NAT16: variants seen among roughly 807,000 people sequenced by gnomAD.
The protein encoded by NAT16 is N-acetyltransferase 16 (putative).
NAT16 carries 16 observed loss-of-function variants against 15.9 expected under a neutral mutation model. That is an observed-to-expected ratio of 1.01 (90% CI 0.68 to 1.53). NAT16 has a LOEUF of 1.53. Ranked by LOEUF, NAT16 falls within the 40% of genes most tolerant of loss-of-function variation. The probability of loss-of-function intolerance (pLI) is 0.00; values close to 1 mark genes in which losing one functional copy is unlikely to be tolerated. For synonymous variants in NAT16, 260 were observed against 241.9 expected (o/e 1.07, Z -0.69); for missense variants, 572 against 508.4 (o/e 1.13, Z -1.20).
chr7:101,171,873 G>A lies in NAT16; in HGVS notation c.*206C>T, dbSNP rs562323692. The A allele has an allele frequency of 1.8e-6, 1 of 568,802 alleles. No homozygotes were observed. Among genetic ancestry groups the A allele is most frequent in the Non-Finnish European group, 3.1e-6 (1 of 322,354 alleles). The allele number at this position is 568,802 out of a possible 1,614,324, so 35.2% of individuals were successfully genotyped here. On this transcript the variant is annotated 3_prime_UTR_variant, in exon 4 of 4. Coordinates refer to ENST00000300303, the MANE Select transcript of NAT16 (RefSeq NM_198571.3). ...AGTCCGCAAGTTCAGGTCAGGGAGT[G>A]GGCAATGGTGTTTGGGGGAGCTAGA...
chr7:101,174,436 GAT>G (rs1797418647), intron 2 of NAT16, 58 bp downstream of exon 2: 2 of 1,502,492 alleles, frequency 1.3e-6, no homozygotes, highest in Non-Finnish European at 8.9e-7. Context: ...CTCTTCCTAA[GAT>G]CCACGCACCC....
chr7:101,175,286 T>A (rs185731826), intron 1 of NAT16, among the ~76,000 whole-genome samples: 26 of 151,606 alleles, frequency 1.7e-4, no homozygotes, highest in East Asian at 7.7e-4. Context: ...ATTTTTTTTT[T>A]AATACAGATA....
chr7:101,175,509 C>T (rs923565495), intron 1 of NAT16, among the ~76,000 whole-genome samples: 1 of 151,974 alleles, frequency 6.6e-6, no homozygotes, highest in African/African-American at 2.4e-5. Flanking sequence ...CTACCCACCC[C>T]ACTCTTATGG....
rs1797382458 is a variant in NAT16 at position 101,173,308 on chromosome 7, T to G, written c.525A>C (p.Leu175=). Residue 175 remains leucine (L), a synonymous_variant, in exon 3 of 4, where the codon CTA becomes CTC. Coordinates refer to ENST00000300303, the MANE Select transcript of NAT16 (RefSeq NM_198571.3). ...CTGTCCTTCTCACCTGCTTGGTGAT[T>G]AGGCGGTATTTCTTCAGCTCCCGGG... is the stretch of plus-strand genomic sequence containing the variant. The part of the protein sequence containing the change: ...LGPRELKKYR[L]ITKQGILLVR... The G allele has an allele frequency of 6.2e-7, 1 of 1,613,696 alleles. No homozygotes were observed. Among genetic ancestry groups the G allele is most frequent in the Non-Finnish European group, 8.5e-7 (1 of 1,179,898 alleles).
At chr7:101,174,408 G>T in intron 2 of NAT16, 88 bp downstream of exon 2, 1 of 1,438,088 alleles carries the variant, frequency 7.0e-7, no homozygotes, top group Non-Finnish European at 9.2e-7. Flanking sequence ...GGAAGGCTGG[G>T]GAGAAGCTCT....
rs200814753 is a variant in NAT16 at position 101,174,689 on chromosome 7, G to A, written c.119C>T (p.Pro40Leu). ...ETRPQEVEAE[P>L]RSGSGPEAEA... ...AGCCTCAGGCCCCGATCCCGACCTG[G>A]GCTCGGCCTCCACCTCCTGTGGCCG... The change falls in exon 2 of 4, where the codon CCC becomes CTC. Residue 40 changes from proline (P) to leucine (L), a missense_variant. By Grantham distance (98) the Pro-to-Leu change is moderately conservative (BLOSUM62 -3). Transcript: ENST00000300303. 8 of 1,613,784 alleles carry A rather than the reference G, an allele frequency of 5.0e-6. No individual in the cohort carries two copies. The Admixed American group carries it at 5.0e-5, about 10-fold the overall frequency.
intron 1 of NAT16, among the ~76,000 whole-genome samples, chr7:101,178,934 T>A (rs899638125): frequency 6.7e-6 from 1 of 150,162 alleles, no homozygotes; most frequent in Non-Finnish European, 1.5e-5. Flanking sequence ...TCTCTCTTCA[T>A]GTCTATCCCC....
In NAT16 at chr7:101,174,494, A is replaced by G. The variant is rs1174958155; in HGVS notation, c.312+2T>C. The G allele has an allele frequency of 6.2e-7, 1 of 1,609,252 alleles. No individual in the cohort carries two copies. Among genetic ancestry groups the G allele is most frequent in the East Asian group, 2.2e-5 (1 of 44,756 alleles). On this transcript the variant is annotated splice_donor_variant, in intron 2 of 3. Coordinates refer to ENST00000300303, the MANE Select transcript of NAT16 (RefSeq NM_198571.3). LOFTEE classifies it high-confidence loss of function. ...TCACCTGGGCCGTGCCCCCGGGCTC[A>G]CCACGCCTCCGTTGCGCTTGGCCAG...
chr7:101,172,607 C>T lies in NAT16; in HGVS notation c.582G>A (p.Gly194=), dbSNP rs747526223. ...VRFNASALLA[G]LGARLAALRT... is the part of the protein sequence containing the mutation. ...GCAGCGCCGCCAGCCGCGCGCCCAG[C>T]CCGGCCAGCAGCGCGGACGCGTTGA... The change falls in exon 4 of 4, where the codon GGG becomes GGA. Residue 194 remains glycine, a synonymous_variant. Coordinates refer to ENST00000300303, the MANE Select transcript of NAT16 (RefSeq NM_198571.3). The surrounding 1 kb of genome is among the most constrained non-coding windows in gnomAD (Gnocchi z 4.2). 6.5e-7 allele frequency: 1 copy of T among 1,527,620 alleles called. No homozygotes were observed. The allele number at this position is 1,527,620 out of a possible 1,614,324, so 94.6% of individuals were successfully genotyped here.
intron 2 of NAT16, chr7:101,174,279 C>T: frequency 1.7e-6 from 1 of 582,568 alleles, no homozygotes; most frequent in East Asian, 3.0e-5. Flanking sequence ...CTCACCTGTC[C>T]CTCTGGTTCC....
At position 101,174,461 on chromosome 7, in the gene NAT16, A is replaced by T. The variant is rs753289198; in HGVS notation, c.312+35T>A. The T allele has an allele frequency of 6.4e-6, 10 of 1,561,204 alleles. No homozygotes were observed. In the Admixed American group the frequency reaches 7.6e-5, roughly 12 times the overall value. On this transcript the variant is annotated intron_variant, in intron 2 of 3. Coordinates refer to ENST00000300303, the MANE Select transcript of NAT16 (RefSeq NM_198571.3). ...GATCCACGCACCCGCAGGTGGCTTC[A>T]CCCCATGTCACCTGGGCCGTGCCCC...
At chr7:101,177,453 C>A (rs1359665560) in intron 1 of NAT16, among the ~76,000 whole-genome samples, 1 of 152,174 alleles carries the variant, frequency 6.6e-6, no homozygotes, top group African/African-American at 2.4e-5. Flanking sequence ...AGCGATCCTC[C>A]CACCTTAGCC....
At position 101,172,480 on chromosome 7, in the gene NAT16, G is replaced by A. The variant is rs377192349; in HGVS notation, c.709C>T (p.Leu237Phe). The change falls in exon 4 of 4, where the codon CTT becomes TTT. Residue 237 changes from leucine to phenylalanine, a missense_variant. Physicochemically the swap from Leu to Phe is conservative, Grantham distance 22. Transcript: ENST00000300303. This position sits in a 1 kb window ranked among gnomAD's most constrained non-coding sequence, Gnocchi z 4.2. ...LLSPSVQRDV[L>F]PGGTIIQDWQ... is the part of the protein sequence containing the mutation. Reference sequence around the variant, plus strand: ...TCCTGGATGATGGTCCCGCCTGGAAGCACGTCGCGCTGCACGGAGGGTGAC... The same window carrying A: ...TCCTGGATGATGGTCCCGCCTGGAAACACGTCGCGCTGCACGGAGGGTGAC... The A allele has an allele frequency of 2.4e-5, 38 of 1,599,060 alleles. No homozygotes were observed. In the African/African-American group the frequency reaches 4.0e-4, roughly 17 times the overall value.
chr7:101,171,960 GCAGGAGTCAGAGGGGACTTCC>G lies in NAT16; in HGVS notation c.*98_*118del. Reference sequence around the variant, plus strand: ...GACCTGCGCCGGTAAGGGCAGGAGGGCAGGAGTCAGAGGGGACTTCCCAGGAGACGCAGCGTCGGAAATGGC... The same window carrying G: ...GACCTGCGCCGGTAAGGGCAGGAGGGCAGGAGACGCAGCGTCGGAAATGGC... On this transcript the variant is annotated 3_prime_UTR_variant, in exon 4 of 4. Transcript: ENST00000300303. The G allele has an allele frequency of 1.4e-6, 1 of 690,326 alleles. No individual in the cohort carries two copies. The allele number at this position is 690,326 out of a possible 1,614,324, so 42.8% of individuals were successfully genotyped here. A position where few individuals can be genotyped will look rare whatever the true frequency, so the allele number is the denominator to read the frequency against.
At position 101,174,381 on chromosome 7, in the gene NAT16, T is replaced by C. The variant is rs993864118; in HGVS notation, c.312+115A>G. 2.9e-6 allele frequency: 4 copies of C among 1,367,878 alleles called. No individual in the cohort carries two copies. The African/African-American group carries it at 4.4e-5, about 15-fold the overall frequency. 84.7% of individuals were successfully genotyped at this position (1,367,878 alleles called of 1,614,324 possible). A position where few individuals can be genotyped will look rare whatever the true frequency, so the allele number is the denominator to read the frequency against. On this transcript the variant is annotated intron_variant, in intron 2 of 3. Transcript: ENST00000300303. ...CACTTTGGTCCCAAAGCAGGCTCTA[T>C]TTCCGCAGCCTCCAGAGGAAGGCTG...
rs1797357671 is a variant in NAT16, at chr7:101,172,672, C to T, written c.538-21G>A. On this transcript the variant is annotated intron_variant, in intron 3 of 3. Transcript: ENST00000300303. This position sits in a 1 kb window ranked among gnomAD's most constrained non-coding sequence, Gnocchi z 4.2. ...ATGCCCTGCGGGGGGCACGAGTGAG[C>T]GCGGGGAGGGGGGGCGCAGCAGGGC... 3 of 1,459,388 alleles carry T rather than the reference C, an allele frequency of 2.1e-6. No homozygotes were observed. Among genetic ancestry groups the T allele is most frequent in the Admixed American group, 2.6e-5 (1 of 38,080 alleles). The allele number at this position is 1,459,388 out of a possible 1,614,324, so 90.4% of individuals were successfully genotyped here. A position where few individuals can be genotyped will look rare whatever the true frequency, so the allele number is the denominator to read the frequency against.
intron 2 of NAT16, chr7:101,173,993 G>C (rs1048576755): frequency 9.8e-6 from 2 of 203,972 alleles, no homozygotes; most frequent in Admixed American, 5.7e-5. Flanking sequence ...GCCTCCCAAA[G>C]AGCTGGGGTT....
At chr7:101,175,147 G>A (rs983541314) in intron 1 of NAT16, among the ~76,000 whole-genome samples, 1 of 152,082 alleles carries the variant, frequency 6.6e-6, no homozygotes, top group African/African-American at 2.4e-5. Context: ...TAGAGACGGA[G>A]CTTCACCATG....
chr7:101,174,514 G>A lies in NAT16; in HGVS notation c.294C>T (p.Ala98=). 6.2e-7 allele frequency: 1 copy of A among 1,612,920 alleles called. No homozygotes were observed. The part of the protein sequence containing the change: ...LRDPDRTVVL[A]KRNGGVIALE... ...GGCTCACCACGCCTCCGTTGCGCTT[G>A]GCCAGCACCACCGTGCGGTCGGGGT... Residue 98 remains alanine (A), a synonymous_variant, in exon 2 of 4, where the codon GCC becomes GCT. Transcript: ENST00000300303.
Sources: allele counts gnomAD v4.1 joint callset (sites outside exome capture counted in the v4.1 genomes callset), GRCh38; gene constraint gnomAD v4.1.1; non-coding constraint Gnocchi (gnomAD v3.1); transcripts MANE v1.5; gene names NCBI Gene and HGNC (gene_info 2026-07-23, HGNC 2026-07-21).